HMGCS1: variants seen among roughly 807,000 people sequenced by gnomAD.
HMGCS1 encodes hydroxymethylglutaryl-CoA synthase, cytoplasmic.
HMGCS1 carries 9 observed loss-of-function variants against 52.3 expected under a neutral mutation model. The ratio of observed to expected loss-of-function variants is 0.17; its 90% CI spans 0.10 to 0.30. HMGCS1 has a LOEUF of 0.30. Ranked by LOEUF, HMGCS1 falls within the 10% of genes least tolerant of loss-of-function variation. The probability of loss-of-function intolerance (pLI) is 1.00; values close to 1 mark genes in which losing one functional copy is unlikely to be tolerated. For synonymous variants in HMGCS1, 176 were observed against 214.4 expected (o/e 0.82, Z 1.57); for missense variants, 320 against 620.9 (o/e 0.52, Z 5.15).
chr5:43,292,039 C>G (rs1428694839), intron 10 of HMGCS1, among the ~76,000 whole-genome samples: 2 of 124,970 alleles, frequency 1.6e-5, no homozygotes, highest in Non-Finnish European at 3.1e-5. Flanking sequence ...TGTCGCCAGG[C>G]TGGAGTGCAG....
Position 43,294,074 on chromosome 5 carries a change from T to C in HMGCS1, c.1165A>G (p.Thr389Ala). The change falls in exon 8 of 11, where the codon ACA becomes GCA. Residue 389 changes from threonine to alanine, a missense_variant. By Grantham distance (58) the Thr-to-Ala change is moderately conservative. Transcript: ENST00000325110. ...LAATLYSLKVTQDATPGSALD... is the reference protein window; with the variant it reads ...LAATLYSLKVAQDATPGSALD... ...CACTTACCCGGTGTAGCATCTTGTG[T>C]GACTTTAAGAGAGTACAGAGTGGCA... The C allele has an allele frequency of 6.2e-7, 1 of 1,606,804 alleles. No individual in the cohort carries two copies. Among genetic ancestry groups the C allele is most frequent in the Non-Finnish European group, 8.5e-7 (1 of 1,173,290 alleles).
At chr5:43,297,282 C>T (rs997970540) in intron 4 of HMGCS1, 116 bp from the exon 5 acceptor site, 2 of 836,050 alleles carry the variant, frequency 2.4e-6, no homozygotes, top group African/African-American at 1.7e-5. Context: ...ATTCTCACCA[C>T]TTACAGTAGA....
Position 43,297,095 on chromosome 5 carries a change from C to G in HMGCS1, c.646G>C (p.Val216Leu). ...KPDMLSEYPI[V>L]DGKLSIQCYL... is the part of the protein sequence containing the mutation. ...CACTGTATGGAGAGTTTTCCATCTA[C>G]TATAGGATATTCAGATAGCATATCA... is the stretch of plus-strand genomic sequence containing the variant. The change falls in exon 5 of 11, where the codon GTA becomes CTA. Residue 216 changes from valine (V) to leucine (L), a missense_variant. By Grantham distance (32) the Val-to-Leu change is conservative. Around this residue, in one of 3 missense-constraint regions of HMGCS1, gnomAD observed 85 missense variants for 260.0 expected, o/e 0.33. Coordinates refer to ENST00000325110, the MANE Select transcript of HMGCS1 (RefSeq NM_001098272.3). The G allele has an allele frequency of 6.2e-7, 1 of 1,613,242 alleles. No homozygotes were observed. Among genetic ancestry groups the G allele is most frequent in the Admixed American group, 1.7e-5 (1 of 60,014 alleles).
chr5:43,311,874 G>A lies in HMGCS1; in HGVS notation c.-70+1482C>T, dbSNP rs146703688. ...CCTTCTGAGTGCTGGGGTTACTGAT[G>A]ATTATACTAGAATTGAGCTGAACTA... On this transcript the variant is annotated intron_variant, in intron 1 of 10. Transcript: ENST00000325110. 2.8e-3 allele frequency among the ~76,000 whole-genome samples: 428 copies of A among 152,312 alleles called. 2 individuals carry two copies. The highest frequency in any genetic ancestry group is 0.01 in the African/African-American group (416 of 41,562).
rs776894922 is a variant in HMGCS1, at chr5:43,298,082, A to G, written c.501T>C (p.Asn167=). 1 of 1,613,564 alleles carries G rather than the reference A, an allele frequency of 6.2e-7. No homozygotes were observed. The change falls in exon 4 of 11, where the codon AAT becomes AAC. Residue 167 remains asparagine (N), a synonymous_variant. Coordinates refer to ENST00000325110, the MANE Select transcript of HMGCS1 (RefSeq NM_001098272.3). The surrounding 1 kb of genome is among the most constrained non-coding windows in gnomAD (Gnocchi z 5.6). Reference sequence around the variant, plus strand: ...CTCCAACTCCACCTGTAGGTCTAGCATTTCCTGTGGCATATACAGCAATAT... The same window carrying G: ...CTCCAACTCCACCTGTAGGTCTAGCGTTTCCTGTGGCATATACAGCAATAT... ...AGDIAVYATG[N]ARPTGGVGAV... is the part of the protein sequence containing the mutation.
rs764841594 is a variant in HMGCS1 at position 43,292,652 on chromosome 5, G to A, written c.1310-15C>T. ...AATATAGTTGACTAAAGGAAAGGGAGAGAATATCTACAATTAGTTATGATA... is the reference window on the plus strand; with the variant it reads ...AATATAGTTGACTAAAGGAAAGGGAAAGAATATCTACAATTAGTTATGATA... On this transcript the variant is annotated splice_polypyrimidine_tract_variant and intron_variant, in intron 9 of 10. Coordinates refer to ENST00000325110, the MANE Select transcript of HMGCS1 (RefSeq NM_001098272.3). 3.1e-6 allele frequency: 5 copies of A among 1,600,882 alleles called. No individual in the cohort carries two copies. In the East Asian group the frequency reaches 6.7e-5, roughly 21 times the overall value.
At chr5:43,306,291 GA>G (rs1208052993) in intron 2 of HMGCS1, among the ~76,000 whole-genome samples, 1 of 152,146 alleles carries the variant, frequency 6.6e-6, no homozygotes, top group African/African-American at 2.4e-5. Flanking sequence ...AAATGAAAGA[GA>G]ACTGGAAAGG....
Position 43,287,576 on chromosome 5 carries a change from G to C in HMGCS1, c.*3555C>G, listed in dbSNP as rs559536895. 1 of 152,292 alleles carries C rather than the reference G, an allele frequency of 6.6e-6. No individual in the cohort carries two copies. The highest frequency in any genetic ancestry group is 2.1e-4 in the South Asian group (1 of 4,814). The allele number at this position is 152,292 out of a possible 1,614,324, so 9.4% of individuals were successfully genotyped here. A position where few individuals can be genotyped will look rare whatever the true frequency, so the allele number is the denominator to read the frequency against. ...TATAAGGATGGTTATTGCCAAACCC[G>C]CCACAGAAGTCTCCTCCTCTTTTGA... On this transcript the variant is annotated 3_prime_UTR_variant, in exon 11 of 11. Coordinates refer to ENST00000325110, the MANE Select transcript of HMGCS1 (RefSeq NM_001098272.3).
intron 10 of HMGCS1, 86 bp downstream of exon 10, chr5:43,292,388 T>TCG: frequency 8.7e-7 from 1 of 1,153,988 alleles, no homozygotes; most frequent in African/African-American, 1.5e-5. Context: ...GCCCTTACTC[T>TCG]TCTTTACTGA....
At chr5:43,301,106 G>A (rs541534119) in intron 2 of HMGCS1, among the ~76,000 whole-genome samples, 2 of 152,292 alleles carry the variant, frequency 1.3e-5, no homozygotes, top group South Asian at 4.1e-4. Context: ...CTGGTTATAG[G>A]GGCCTGACTT....
rs1754138850 is a variant in HMGCS1 at position 43,298,379 on chromosome 5, G to A, written c.448+139C>T. On this transcript the variant is annotated intron_variant, in intron 3 of 10. Transcript: ENST00000325110. The surrounding 1 kb of genome is among the most constrained non-coding windows in gnomAD (Gnocchi z 5.6). ...TCACAATTCGGATAATGACAGACAG[G>A]TAAAATATCTTTCTTAATATATCCA... 1.4e-6 allele frequency: 1 copy of A among 690,936 alleles called. No homozygotes were observed. The highest frequency in any genetic ancestry group is 1.9e-5 in the South Asian group (1 of 51,332). The allele number at this position is 690,936 out of a possible 1,614,324, so 42.8% of individuals were successfully genotyped here.
In HMGCS1 at chr5:43,295,470, T is replaced by C. The variant is rs1029493504; in HGVS notation, c.905+282A>G. On this transcript the variant is annotated intron_variant, in intron 6 of 10. Transcript: ENST00000325110. ...GAGGTAAGGAGTTAAGAGGCTGCTG[T>C]AGTGAATATAGGCCCTTGTGCAGTT... Among the ~76,000 whole-genome samples the C allele has an allele frequency of 3.3e-5, 5 of 152,146 alleles. 1 individual carries two copies. The East Asian group carries it at 9.6e-4, about 29-fold the overall frequency.
In HMGCS1 at chr5:43,288,658, T is replaced by A. The variant is rs1386420223; in HGVS notation, c.*2473A>T. 2.0e-5 allele frequency: 3 copies of A among 151,760 alleles called. No individual in the cohort carries two copies. Among genetic ancestry groups the A allele is most frequent in the Non-Finnish European group, 4.4e-5 (3 of 68,004 alleles). The allele number at this position is 151,760 out of a possible 1,614,324, so 9.4% of individuals were successfully genotyped here. On this transcript the variant is annotated 3_prime_UTR_variant, in exon 11 of 11. Coordinates refer to ENST00000325110, the MANE Select transcript of HMGCS1 (RefSeq NM_001098272.3). ...AGGAGAGGGGGAAAGATTGAATTCTTAAAGCCATACTAAATAATATCCTAC... is the reference window on the plus strand; with the variant it reads ...AGGAGAGGGGGAAAGATTGAATTCTAAAAGCCATACTAAATAATATCCTAC...
At chr5:43,309,235 C>CA (rs1374052868) in intron 1 of HMGCS1, among the ~76,000 whole-genome samples, 3 of 149,364 alleles carry the variant, frequency 2.0e-5, no homozygotes, top group African/African-American at 7.6e-5. Flanking sequence ...TATATTCCCT[C>CA]AAATTTTTTT....
chr5:43,293,955 T>C (rs1028459991), intron 8 of HMGCS1, 101 bp downstream of exon 8: 66 of 731,776 alleles, frequency 9.0e-5, no homozygotes, highest in Non-Finnish European at 1.4e-4. Context: ...CCTCAGGTGA[T>C]CTGCCCGCCT....
In HMGCS1 at chr5:43,298,373, A is replaced by G. The variant is rs1282385076; in HGVS notation, c.448+145T>C. ...ACCAATTCACAATTCGGATAATGACAGACAGGTAAAATATCTTTCTTAATA... is the reference window on the plus strand; with the variant it reads ...ACCAATTCACAATTCGGATAATGACGGACAGGTAAAATATCTTTCTTAATA... On this transcript the variant is annotated intron_variant, in intron 3 of 10. Coordinates refer to ENST00000325110, the MANE Select transcript of HMGCS1 (RefSeq NM_001098272.3). This position sits in a 1 kb window ranked among gnomAD's most constrained non-coding sequence, Gnocchi z 5.6. The G allele has an allele frequency of 2.9e-6, 2 of 684,458 alleles. No homozygotes were observed. Among genetic ancestry groups the G allele is most frequent in the Admixed American group, 5.9e-5 (2 of 34,148 alleles). 42.4% of individuals were successfully genotyped at this position (684,458 alleles called of 1,614,324 possible). A position where few individuals can be genotyped will look rare whatever the true frequency, so the allele number is the denominator to read the frequency against.
chr5:43,307,725 A>G (rs1287570703), intron 2 of HMGCS1, 41 bp downstream of exon 2: 1 of 152,192 alleles, frequency 6.6e-6, no homozygotes, highest in African/African-American at 2.4e-5. Context: ...CTTCCATTAG[A>G]GAGGAATACT....
chr5:43,301,884 C>T (rs1212621122), intron 2 of HMGCS1, among the ~76,000 whole-genome samples: 1 of 152,218 alleles, frequency 6.6e-6, no homozygotes, highest in Admixed American at 6.5e-5. Context: ...GATTTCCATC[C>T]TCAAGTGTTT....
chr5:43,301,068 T>C (rs1463542341), intron 2 of HMGCS1, among the ~76,000 whole-genome samples: 1 of 152,014 alleles, frequency 6.6e-6, no homozygotes, highest in Non-Finnish European at 1.5e-5. Flanking sequence ...AGCCTGGTGG[T>C]AGGGCAAGGA....
Sources: allele counts gnomAD v4.1 joint callset (sites outside exome capture counted in the v4.1 genomes callset), GRCh38; gene constraint gnomAD v4.1.1; regional missense constraint gnomAD v4.1.1; non-coding constraint Gnocchi (gnomAD v3.1); transcripts MANE v1.5; gene names NCBI Gene and HGNC (gene_info 2026-07-23, HGNC 2026-07-21).